USP34: variants seen among roughly 807,000 people sequenced by gnomAD.
USP34 encodes the protein ubiquitin carboxyl-terminal hydrolase 34.
In USP34, 70 loss-of-function variants were observed where a neutral mutation model predicts 460.3. The observed-to-expected ratio is 0.15, with a 90% CI of 0.13 to 0.19. The LOEUF is 0.19. Ranked by LOEUF, USP34 falls within the 10% of genes least tolerant of loss-of-function variation. The pLI, the probability that USP34 is intolerant of heterozygous loss-of-function variation, is 1.00. For missense variants in USP34, 3,985 were observed against 4,236.2 expected (o/e 0.94, Z 1.65); for synonymous variants, 1,647 against 1,405.3 (o/e 1.17, Z -3.85).
In USP34 at chr2:61,378,352, C is replaced by A; in HGVS notation, c.1076+11G>T. ...TGGTATACTTATATATAAATTAATG[C>A]TCCTACTTACGTTTCTGTGTCCGAT... On this transcript the variant is annotated intron_variant, in intron 8 of 79. Coordinates refer to ENST00000398571, the MANE Select transcript of USP34 (RefSeq NM_014709.4). The A allele has an allele frequency of 6.4e-7, 1 of 1,557,384 alleles. No individual in the cohort carries two copies. Among genetic ancestry groups the A allele is most frequent in the Non-Finnish European group, 8.7e-7 (1 of 1,146,580 alleles).
At position 61,339,491 on chromosome 2, in the gene USP34, T is replaced by A. The variant is rs774428666; in HGVS notation, c.2617-13A>T. On this transcript the variant is annotated splice_polypyrimidine_tract_variant and intron_variant, in intron 17 of 79. Coordinates refer to ENST00000398571, the MANE Select transcript of USP34 (RefSeq NM_014709.4). ...CAGAAAGATTAACCTATAAAAAATG[T>A]ATATAAAATTACTATTTATCCTAAT... The A allele has an allele frequency of 6.4e-7, 1 of 1,559,320 alleles. No homozygotes were observed. The highest frequency in any genetic ancestry group is 1.2e-5 in the South Asian group (1 of 81,682).
chr2:61,215,870 C>G (rs1226198550), intron 67 of USP34, among the ~76,000 whole-genome samples: 1 of 152,156 alleles, frequency 6.6e-6, no homozygotes, highest in Non-Finnish European at 1.5e-5. Context: ...ACTATCTCAG[C>G]TTACACAGCT....
At chr2:61,296,738 T>C in intron 30 of USP34, 62 bp downstream of exon 30, 1 of 1,532,648 alleles carries the variant, frequency 6.5e-7, no homozygotes, top group South Asian at 1.3e-5. Context: ...TCTTCTACAC[T>C]GTCAATAGGA....
At chr2:61,378,242 C>A (rs1692853238) in intron 8 of USP34, 121 bp downstream of exon 8, 8 of 686,422 alleles carry the variant, frequency 1.2e-5, no homozygotes, top group Non-Finnish European at 1.7e-5. Flanking sequence ...AAGAACTGTA[C>A]ACAATGTCAA....
chr2:61,343,306 T>C lies in USP34; in HGVS notation c.2500+509A>G, dbSNP rs72886837. Among the ~76,000 whole-genome samples, 1,032 of 152,308 alleles carry C rather than the reference T, an allele frequency of 6.8e-3. 16 individuals carry two copies. Among genetic ancestry groups the C allele is most frequent in the African/African-American group, 0.023 (949 of 41,578 alleles). On this transcript the variant is annotated intron_variant, in intron 16 of 79. Transcript: ENST00000398571. ...TCCTCCATTCTTTCAAGTCTGGTCA[T>C]GTCCTATTACTTTAAGAGTGATTTA... is the stretch of plus-strand genomic sequence containing the variant.
At position 61,319,343 on chromosome 2, in the gene USP34, A is replaced by T. The variant is rs753146060; in HGVS notation, c.3014-16T>A. ...AAACTTAACCCTAGATAAAAATTAT[A>T]AATTTTATACTTTATTAACTACATA... On this transcript the variant is annotated splice_polypyrimidine_tract_variant and intron_variant, in intron 21 of 79. Transcript: ENST00000398571. 30 of 1,508,528 alleles carry T rather than the reference A, an allele frequency of 2.0e-5. No homozygotes were observed. The South Asian group carries it at 2.6e-4, about 13-fold the overall frequency. The allele number at this position is 1,508,528 out of a possible 1,614,324, so 93.4% of individuals were successfully genotyped here.
Position 61,293,553 on chromosome 2 carries a change from G to A in USP34, c.4462-3C>T. ...TGAAGCCCTCCAGCAGCAACAAACT[G>A]TAGGCAATTGTGAAAGTAATAGTAA... is the stretch of plus-strand genomic sequence containing the variant. On this transcript the variant is annotated splice_region_variant and splice_polypyrimidine_tract_variant and intron_variant, in intron 32 of 79. Coordinates refer to ENST00000398571, the MANE Select transcript of USP34 (RefSeq NM_014709.4). 3 of 1,609,436 alleles carry A rather than the reference G, an allele frequency of 1.9e-6. No individual in the cohort carries two copies. The highest frequency in any genetic ancestry group is 2.5e-6 in the Non-Finnish European group (3 of 1,177,394).
intron 21 of USP34, among the ~76,000 whole-genome samples, chr2:61,323,468 T>C (rs1205133061): frequency 2.0e-5 from 3 of 149,730 alleles, no homozygotes; most frequent in African/African-American, 4.9e-5. Flanking sequence ...GGAGCCGAGA[T>C]TGTGCCACTG....
intron 18 of USP34, among the ~76,000 whole-genome samples, chr2:61,334,426 C>T: frequency 6.6e-6 from 1 of 152,050 alleles, no homozygotes; most frequent in East Asian, 1.9e-4. Flanking sequence ...TCAAGTAGAT[C>T]TGAGTCTGCC....
intron 35 of USP34, among the ~76,000 whole-genome samples, chr2:61,284,534 T>C (rs1689631400): frequency 6.6e-6 from 1 of 152,192 alleles, no homozygotes; most frequent in South Asian, 2.1e-4. Flanking sequence ...CATATCAATG[T>C]TAAATTCTAT....
intron 3 of USP34, among the ~76,000 whole-genome samples, chr2:61,400,360 C>T (rs1693678649): frequency 6.6e-6 from 1 of 152,022 alleles, no homozygotes; most frequent in Non-Finnish European, 1.5e-5. Context: ...CCACCCGCCT[C>T]GGCCTCCCAA....
At chr2:61,299,130 G>C (rs544808228) in intron 29 of USP34, among the ~76,000 whole-genome samples, 12 of 152,152 alleles carry the variant, frequency 7.9e-5, no homozygotes, top group African/African-American at 2.9e-4. Flanking sequence ...GGGAATTTAA[G>C]AATGTACCAT....
At chr2:61,358,336 GCAAT>G (rs1212846166) in intron 10 of USP34, among the ~76,000 whole-genome samples, 1 of 151,888 alleles carries the variant, frequency 6.6e-6, no homozygotes, top group Non-Finnish European at 1.5e-5. Context: ...ACTCAAAGCT[GCAAT>G]GAAAATGAGG....
intron 43 of USP34, among the ~76,000 whole-genome samples, chr2:61,264,551 G>T (rs1321448699): frequency 1.3e-5 from 2 of 152,150 alleles, no homozygotes; most frequent in Non-Finnish European, 2.9e-5. Context: ...TGAGGTGGGA[G>T]GATCACTTGA....
chr2:61,392,844 C>T (rs1279904746), intron 5 of USP34, among the ~76,000 whole-genome samples: 2 of 152,088 alleles, frequency 1.3e-5, no homozygotes, highest in African/African-American at 4.8e-5. Flanking sequence ...CCAAAATTAC[C>T]ACAGTGTGAA....
intron 10 of USP34, among the ~76,000 whole-genome samples, chr2:61,353,574 TG>T (rs56102089): frequency 0.36 from 53,642 of 147,790 alleles, 9,694 homozygotes; most frequent in Non-Finnish European, 0.38. Context: ...TTTTTGTTTT[TG>T]TTTTTTTTGT....
chr2:61,354,646 T>A (rs1201866513), intron 10 of USP34, among the ~76,000 whole-genome samples: 1 of 152,182 alleles, frequency 6.6e-6, no homozygotes, highest in Non-Finnish European at 1.5e-5. Context: ...TCAGCTAGCC[T>A]GAGCCGAAAA....
At position 61,319,155 on chromosome 2, in the gene USP34, TGA is replaced by T; in HGVS notation, c.3168+16_3168+17del. On this transcript the variant is annotated intron_variant, in intron 22 of 79. Transcript: ENST00000398571. ...GGAACATGGAAAAATAATAACAAACTGAGAGAAATGTAATTACCTTCTCCAGG... is the reference window on the plus strand; with the variant it reads ...GGAACATGGAAAAATAATAACAAACTGAGAAATGTAATTACCTTCTCCAGG... 1.3e-6 allele frequency: 2 copies of T among 1,536,332 alleles called. No individual in the cohort carries two copies. Among genetic ancestry groups the T allele is most frequent in the Admixed American group, 4.8e-5 (2 of 41,302 alleles).
rs894481466 is a variant in USP34 at position 61,420,847 on chromosome 2, G to C, written c.44-14C>G. ...CTACATCTGATACTGAAATAAAAAA[G>C]AAATTTTAAAATTATGAATAATGCT... On this transcript the variant is annotated splice_polypyrimidine_tract_variant and intron_variant, in intron 1 of 79. Transcript: ENST00000398571. 6.3e-7 allele frequency: 1 copy of C among 1,591,022 alleles called. No individual in the cohort carries two copies. The highest frequency in any genetic ancestry group is 8.6e-7 in the Non-Finnish European group (1 of 1,166,978).
Sources: allele counts gnomAD v4.1 joint callset (sites outside exome capture counted in the v4.1 genomes callset), GRCh38; gene constraint gnomAD v4.1.1; transcripts MANE v1.5; gene names NCBI Gene and HGNC (gene_info 2026-07-23, HGNC 2026-07-21).